Variants in KCNK2 observed in about 807,000 individuals in gnomAD.
KCNK2 encodes the protein potassium two pore domain channel subfamily K member 2.
KCNK2 carries 21 observed loss-of-function variants against 40.5 expected under a neutral mutation model. The observed-to-expected ratio is 0.52, with a 90% CI of 0.37 to 0.75. The LOEUF is 0.75. KCNK2 is among the 30% of genes least tolerant of loss of function. The probability of loss-of-function intolerance (pLI) is 0.00; values close to 1 mark genes in which losing one functional copy is unlikely to be tolerated. For synonymous variants in KCNK2, 191 were observed against 202.2 expected (o/e 0.94, Z 0.47); for missense variants, 399 against 531.6 (o/e 0.75, Z 2.45).
intron 6 of KCNK2, among the ~76,000 whole-genome samples, chr1:215,205,389 C>T (rs1056356888): frequency 6.6e-6 from 1 of 152,076 alleles, no homozygotes; most frequent in African/African-American, 2.4e-5. Flanking sequence ...AGGCACACAC[C>T]ACCACGCCCG....
intron 1 of KCNK2, among the ~76,000 whole-genome samples, chr1:215,046,551 T>C (rs1325272909): frequency 6.6e-6 from 1 of 151,890 alleles, no homozygotes; most frequent in Non-Finnish European, 1.5e-5. Context: ...TATAGCACAG[T>C]TAGGAGAAGG....
chr1:215,086,567 A>G lies in KCNK2; in HGVS notation c.246A>G (p.Ala82=), dbSNP rs753585441. The change falls in exon 2 of 7, where the codon GCA becomes GCG. Residue 82 remains alanine, a synonymous_variant. Coordinates refer to ENST00000444842, the MANE Select transcript of KCNK2 (RefSeq NM_001017425.3). ...YLIIGATVFK[A]LEQPHEISQR... ...TCATCGGAGCCACCGTGTTCAAAGCATTGGAGCAGCCTCATGAGATTTCAC... is the reference window on the plus strand; with the variant it reads ...TCATCGGAGCCACCGTGTTCAAAGCGTTGGAGCAGCCTCATGAGATTTCAC... The G allele has an allele frequency of 5.4e-5, 87 of 1,614,096 alleles. No individual in the cohort carries two copies. The highest frequency in any genetic ancestry group is 7.0e-5 in the Non-Finnish European group (83 of 1,180,036).
chr1:215,105,062 G>A (rs1392089806), intron 2 of KCNK2, among the ~76,000 whole-genome samples: 1 of 151,904 alleles, frequency 6.6e-6, no homozygotes, highest in East Asian at 1.9e-4. Context: ...TTAGTTGTGG[G>A]AAAAAGCATG....
chr1:215,165,267 G>T (rs1373652669), intron 3 of KCNK2, among the ~76,000 whole-genome samples: 3 of 152,102 alleles, frequency 2.0e-5, no homozygotes, highest in African/African-American at 7.2e-5. Context: ...GTTGGAATCA[G>T]CTAGCCTGCA....
Position 215,062,598 on chromosome 1 carries a change from T to A in KCNK2, c.35-23770T>A, listed in dbSNP as rs557517855. Among the ~76,000 whole-genome samples the A allele has an allele frequency of 4.2e-4, 64 of 150,988 alleles. No homozygotes were observed. In the Middle Eastern group the frequency reaches 0.01, roughly 24 times the overall value. ...GTGATTTAGATACTATCTAAATCAT[T>A]TCAGGTGTAGAGTTCTTGTTTTAGG... On this transcript the variant is annotated intron_variant, in intron 1 of 6. Coordinates refer to the KCNK2 transcript ENST00000391895.
intron 6 of KCNK2, among the ~76,000 whole-genome samples, chr1:215,206,079 A>G (rs1665304089): frequency 2.0e-5 from 3 of 152,186 alleles, no homozygotes; most frequent in Non-Finnish European, 2.9e-5. Flanking sequence ...AAAACCCTTC[A>G]TGGGCTGTAA....
chr1:215,125,883 T>C (rs891245483), intron 3 of KCNK2, among the ~76,000 whole-genome samples: 4 of 151,276 alleles, frequency 2.6e-5, no homozygotes, highest in Admixed American at 1.3e-4. Context: ...ATTTCAAGCA[T>C]ATTTTTTAAG....
intron 1 of KCNK2, among the ~76,000 whole-genome samples, chr1:215,062,915 A>G (rs1245317330): frequency 6.6e-6 from 1 of 152,160 alleles, no homozygotes; most frequent in Non-Finnish European, 1.5e-5. Context: ...AGGAGAATGA[A>G]CACACCAGAA....
chr1:215,007,037 A>ATATATATATATATATATG (rs1330420661), intron 1 of KCNK2, among the ~76,000 whole-genome samples: 1 of 51,604 alleles, frequency 1.9e-5, no homozygotes, highest in African/African-American at 6.2e-5. Flanking sequence ...ATATATATAT[A>ATATATATATATATATATG]TGTGTGTGTG....
intron 2 of KCNK2, among the ~76,000 whole-genome samples, chr1:215,089,825 C>CTT (rs752551744): frequency 6.4e-5 from 4 of 62,642 alleles, no homozygotes; most frequent in Admixed American, 1.4e-4. Flanking sequence ...GTTTCTTTTT[C>CTT]TTTTTTTTTT....
At chr1:215,178,129 T>C (rs1664064367) in intron 5 of KCNK2, among the ~76,000 whole-genome samples, 1 of 152,146 alleles carries the variant, frequency 6.6e-6, no homozygotes, top group Non-Finnish European at 1.5e-5. Context: ...GTGGCTATTA[T>C]AAATGTGATT....
intron 3 of KCNK2, among the ~76,000 whole-genome samples, chr1:215,155,376 A>C (rs1477971142): frequency 6.6e-6 from 1 of 152,140 alleles, no homozygotes; most frequent in African/African-American, 2.4e-5. Context: ...GTTCCTTTTA[A>C]ATATTTATTG....
chr1:215,055,897 G>T (rs975389337), intron 1 of KCNK2, among the ~76,000 whole-genome samples: 1 of 152,222 alleles, frequency 6.6e-6, no homozygotes. Context: ...AACTCCTGGA[G>T]ATTTCTCTTT....
At chr1:215,049,254 G>A (rs947731259) in intron 1 of KCNK2, among the ~76,000 whole-genome samples, 3 of 152,170 alleles carry the variant, frequency 2.0e-5, no homozygotes, top group African/African-American at 7.2e-5. Flanking sequence ...ATGGCTGAAT[G>A]AAGTTAAACA....
chr1:215,015,011 C>T (rs1333283850), intron 1 of KCNK2, among the ~76,000 whole-genome samples: 4 of 152,142 alleles, frequency 2.6e-5, no homozygotes, highest in Non-Finnish European at 2.9e-5. Context: ...CTCCTTTCAT[C>T]CAGGCACAAT....
intron 1 of KCNK2, among the ~76,000 whole-genome samples, chr1:215,030,726 T>G (rs1571858327): frequency 8.2e-6 from 1 of 122,058 alleles, no homozygotes; most frequent in Non-Finnish European, 1.8e-5. Flanking sequence ...TTTTTTTTTT[T>G]GGTAGAGACT....
intron 1 of KCNK2, among the ~76,000 whole-genome samples, chr1:215,027,447 G>A (rs1212345819): frequency 1.3e-5 from 2 of 152,094 alleles, no homozygotes; most frequent in Non-Finnish European, 1.5e-5. Flanking sequence ...GGGATTAGCT[G>A]TTAAATATTA....
chr1:215,123,194 A>G (rs1661270821), intron 2 of KCNK2, among the ~76,000 whole-genome samples: 1 of 148,252 alleles, frequency 6.7e-6, no homozygotes, highest in Admixed American at 6.9e-5. Context: ...ATATATCTAC[A>G]TATTGGGCAA....
chr1:215,128,219 G>C (rs1205550382), intron 3 of KCNK2, among the ~76,000 whole-genome samples: 5 of 152,188 alleles, frequency 3.3e-5, no homozygotes, highest in Non-Finnish European at 7.4e-5. Context: ...TTTGCTGGGT[G>C]AAGAAAGTTG....
Sources: allele counts gnomAD v4.1 joint callset (sites outside exome capture counted in the v4.1 genomes callset), GRCh38; gene constraint gnomAD v4.1.1; transcripts MANE v1.5; gene names NCBI Gene and HGNC (gene_info 2026-07-23, HGNC 2026-07-21).